Variants in EBF1 observed in about 807,000 individuals in gnomAD.
EBF1 encodes the protein EBF transcription factor 1.
In EBF1, 10 loss-of-function variants were observed where a neutral mutation model predicts 68.4. That is an observed-to-expected ratio of 0.15 (90% CI 0.09 to 0.25). EBF1 has a LOEUF of 0.25. Ranked by LOEUF, EBF1 falls within the 10% of genes least tolerant of loss-of-function variation. The probability of loss-of-function intolerance (pLI) is 1.00; values close to 1 mark genes in which losing one functional copy is unlikely to be tolerated. For synonymous variants in EBF1, 298 were observed against 299.8 expected (o/e 0.99, Z 0.06); for missense variants, 509 against 794.4 (o/e 0.64, Z 4.32).
chr5:158,739,467 T>C (rs151307082), intron 10 of EBF1, among the ~76,000 whole-genome samples: 22 of 152,354 alleles, frequency 1.4e-4, no homozygotes, highest in African/African-American at 5.1e-4. Flanking sequence ...ATAAAATCCC[T>C]TGAGCAAACA....
In EBF1 at chr5:158,947,195, C is replaced by T. The variant is rs112272001; in HGVS notation, c.555-107085G>A. Among the ~76,000 whole-genome samples, 842 of 151,744 alleles carry T rather than the reference C, an allele frequency of 5.5e-3. 10 individuals are homozygous for T. The highest frequency in any genetic ancestry group is 0.019 in the African/African-American group (787 of 41,332). On this transcript the variant is annotated intron_variant, in intron 6 of 15. Coordinates refer to ENST00000313708, the MANE Select transcript of EBF1 (RefSeq NM_024007.5). ...TCAGCCTCCTTTCCAGGGGAGTGAG[C>T]GGTTCTGTCTCACTGGCATTCCAGG...
At chr5:158,704,643 T>C (rs1757478710) in intron 15 of EBF1, among the ~76,000 whole-genome samples, 1 of 151,696 alleles carries the variant, frequency 6.6e-6, no homozygotes, top group Non-Finnish European at 1.5e-5. Context: ...TTTTTTTTTA[T>C]GGTAGAAATA....
intron 6 of EBF1, among the ~76,000 whole-genome samples, chr5:159,006,536 C>T (rs1055631335): frequency 5.3e-5 from 8 of 150,130 alleles, no homozygotes; most frequent in Admixed American, 2.0e-4. Flanking sequence ...GAACCATAAT[C>T]ACCAAATCAC....
At chr5:158,773,276 A>G (rs1381469531) in intron 10 of EBF1, among the ~76,000 whole-genome samples, 1 of 152,208 alleles carries the variant, frequency 6.6e-6, no homozygotes, top group African/African-American at 2.4e-5. Flanking sequence ...GCAACGTGTT[A>G]TGCATTGGCA....
intron 6 of EBF1, among the ~76,000 whole-genome samples, chr5:158,925,246 C>T (rs1236400889): frequency 6.6e-6 from 1 of 152,202 alleles, no homozygotes; most frequent in Non-Finnish European, 1.5e-5. Flanking sequence ...TTATTTTCCT[C>T]ACAGCACATA....
chr5:158,762,859 C>A (rs1344434612), intron 10 of EBF1, among the ~76,000 whole-genome samples: 1 of 151,996 alleles, frequency 6.6e-6, no homozygotes. Flanking sequence ...TTGGGATATG[C>A]CATGGAAAAA....
chr5:159,073,567 A>G (rs1225859167), intron 5 of EBF1, 103 bp from the exon 6 acceptor site: 1 of 1,270,002 alleles, frequency 7.9e-7, no homozygotes, highest in Non-Finnish European at 1.1e-6. Flanking sequence ...TGCTAGAATT[A>G]CCACAAAGCC....
At chr5:158,798,284 C>T (rs1379157320) in intron 8 of EBF1, among the ~76,000 whole-genome samples, 1 of 152,154 alleles carries the variant, frequency 6.6e-6, no homozygotes, top group Non-Finnish European at 1.5e-5. Context: ...CTTGAGAGTC[C>T]TGACTGAGTC....
At chr5:158,856,485 GAT>G (rs1203951843) in intron 6 of EBF1, among the ~76,000 whole-genome samples, 1 of 152,196 alleles carries the variant, frequency 6.6e-6, no homozygotes, top group African/African-American at 2.4e-5. Flanking sequence ...TCTTAGCCAA[GAT>G]GACTCAGAAT....
At chr5:159,021,254 A>G (rs2127713543) in intron 6 of EBF1, among the ~76,000 whole-genome samples, 1 of 152,308 alleles carries the variant, frequency 6.6e-6, no homozygotes, top group South Asian at 2.1e-4. Context: ...TAATAATGCT[A>G]CCAACCTTGG....
At chr5:159,053,118 G>A (rs1774106489) in intron 6 of EBF1, among the ~76,000 whole-genome samples, 1 of 152,222 alleles carries the variant, frequency 6.6e-6, no homozygotes, top group South Asian at 2.1e-4. Context: ...AGGCAGAATA[G>A]TGTTATGATT....
intron 6 of EBF1, among the ~76,000 whole-genome samples, chr5:158,873,340 C>T (rs1797232734): frequency 6.6e-6 from 1 of 152,132 alleles, no homozygotes; most frequent in Admixed American, 6.5e-5. Flanking sequence ...CTTCCATTCC[C>T]TTTGACTCTA....
At chr5:158,926,850 T>G (rs1475092312) in intron 6 of EBF1, among the ~76,000 whole-genome samples, 1 of 152,234 alleles carries the variant, frequency 6.6e-6, no homozygotes, top group Non-Finnish European at 1.5e-5. Flanking sequence ...CTTAATAAGT[T>G]GTCTATACAG....
intron 6 of EBF1, among the ~76,000 whole-genome samples, chr5:159,007,165 G>T (rs1763731058): frequency 6.6e-6 from 1 of 152,034 alleles, no homozygotes; most frequent in African/African-American, 2.4e-5. Context: ...ATAAGTCATT[G>T]TTGGCAAAAT....
intron 8 of EBF1, among the ~76,000 whole-genome samples, chr5:158,818,561 G>T (rs1784204596): frequency 6.6e-6 from 1 of 152,168 alleles, no homozygotes; most frequent in African/African-American, 2.4e-5. Context: ...ACAGCCAGGA[G>T]ATGGGCCCAG....
intron 11 of EBF1, among the ~76,000 whole-genome samples, chr5:158,715,196 G>GAT (rs1760387802): frequency 6.6e-6 from 1 of 152,212 alleles, no homozygotes; most frequent in African/African-American, 2.4e-5. Context: ...TTTGCATGAA[G>GAT]ATATGTTTAC....
intron 6 of EBF1, among the ~76,000 whole-genome samples, chr5:158,843,267 G>A (rs1010587314): frequency 1.3e-5 from 2 of 152,154 alleles, no homozygotes; most frequent in African/African-American, 4.8e-5. Flanking sequence ...CACACCCTCT[G>A]GCTTCTTCAA....
intron 6 of EBF1, among the ~76,000 whole-genome samples, chr5:158,872,391 T>C (rs1175313270): frequency 1.3e-5 from 2 of 152,056 alleles, no homozygotes; most frequent in African/African-American, 4.8e-5. Context: ...GAGACAGGGT[T>C]TTATCATGTT....
At chr5:159,019,603 C>G (rs1235755048) in intron 6 of EBF1, among the ~76,000 whole-genome samples, 1 of 152,072 alleles carries the variant, frequency 6.6e-6, no homozygotes, top group Non-Finnish European at 1.5e-5. Context: ...GTTTGTTTTT[C>G]CCATTTGTTT....
Sources: allele counts gnomAD v4.1 joint callset (sites outside exome capture counted in the v4.1 genomes callset), GRCh38; gene constraint gnomAD v4.1.1; transcripts MANE v1.5; gene names NCBI Gene and HGNC (gene_info 2026-07-23, HGNC 2026-07-21).